The following TFB1M variants were observed in gnomAD, a reference collection of about 807,000 sequenced individuals.
The protein encoded by TFB1M is dimethyladenosine transferase 1, mitochondrial.
Under a neutral mutation model 31.1 loss-of-function variants are expected in TFB1M, and 27 were observed. The observed-to-expected ratio is 0.87, with a 90% CI of 0.64 to 1.20. TFB1M has a LOEUF of 1.20. TFB1M is among the 50% of genes most tolerant of loss of function. The pLI is 0.00. For missense variants in TFB1M, 394 were observed against 418.7 expected, an observed-to-expected ratio of 0.94 and a Z score of 0.51; for synonymous variants, 166 against 151.8, an observed-to-expected ratio of 1.09 and a Z score of -0.69.
rs146867541 is a variant in TFB1M at position 155,296,530 on chromosome 6, G to A, written c.546+423C>T. On this transcript the variant is annotated intron_variant, in intron 4 of 6. Transcript: ENST00000367166. ...CCTGACCTCGTGATCCGCCTGCCTC[G>A]GCCTCCCAAAGTGCTGGAATTACAG... Among the ~76,000 whole-genome samples the A allele has an allele frequency of 7.6e-4, 113 of 149,402 alleles. 1 individual carries two copies. In the East Asian group the frequency reaches 0.016, roughly 21 times the overall value.
chr6:155,292,187 C>G (rs140963098), intron 4 of TFB1M, among the ~76,000 whole-genome samples: 6 of 152,104 alleles, frequency 3.9e-5, no homozygotes, highest in Non-Finnish European at 7.4e-5. Context: ...GGGAGCCAGA[C>G]CTGGAGATCT....
At chr6:155,296,437 T>A (rs988991229) in intron 4 of TFB1M, among the ~76,000 whole-genome samples, 8 of 147,086 alleles carry the variant, frequency 5.4e-5, no homozygotes, top group Non-Finnish European at 9.0e-5. Context: ...TTTTTTTTTT[T>A]TTTTTTTTTT....
At chr6:155,303,537 T>A (rs1391141833) in intron 2 of TFB1M, 1 of 152,236 alleles carries the variant, frequency 6.6e-6, no homozygotes, top group East Asian at 1.9e-4. Flanking sequence ...TTGAGTTTTG[T>A]CTATGTTATG....
the TFB1M span, among the ~76,000 whole-genome samples, chr6:155,233,082 AC>A: frequency 6.6e-6 from 1 of 152,354 alleles, no homozygotes; most frequent in African/African-American, 2.4e-5. Context: ...AAAGGCGGGC[AC>A]GTAGCTCAGC....
chr6:155,288,703 C>T (rs1474059157), intron 4 of TFB1M, among the ~76,000 whole-genome samples: 1 of 152,176 alleles, frequency 6.6e-6, no homozygotes, highest in African/African-American at 2.4e-5. Context: ...GAGATGAAAA[C>T]ATGCGAATCA....
At position 155,305,474 on chromosome 6, in the gene TFB1M, T is replaced by TA. The variant is rs1448484728; in HGVS notation, c.285+5713dup. On this transcript the variant is annotated intron_variant, in intron 2 of 6. Coordinates refer to ENST00000367166, the MANE Select transcript of TFB1M (RefSeq NM_016020.4). ...TTATATATTTATATATATAAATATATATTAAATTATATATATAAATATATA... is the reference window on the plus strand; with the variant it reads ...TTATATATTTATATATATAAATATATAATTAAATTATATATATAAATATATA... Among the ~76,000 whole-genome samples, 7 of 31,084 alleles carry TA rather than the reference T, an allele frequency of 2.3e-4. 3 individuals are homozygous for TA. The highest frequency in any genetic ancestry group is 6.5e-4 in the African/African-American group (4 of 6,196). 20.4% of individuals were successfully genotyped at this position (31,084 alleles called of 152,430 possible).
At chr6:155,242,450 C>T in the TFB1M span, among the ~76,000 whole-genome samples, 19,030 of 152,262 alleles carry the variant, frequency 0.12, 1,529 homozygotes, top group Non-Finnish European at 0.19. Flanking sequence ...CTTCTCTGAG[C>T]GGTCTGGCGT....
chr6:155,240,805 C>T, the TFB1M span: 2 of 1,303,486 alleles, frequency 1.5e-6, no homozygotes, highest in South Asian at 2.8e-5. Flanking sequence ...CCCAGGACAC[C>T]TGCCACTCCC....
At chr6:155,311,080 T>G (rs1469556843) in intron 2 of TFB1M, 108 bp downstream of exon 2, 1 of 1,258,598 alleles carries the variant, frequency 7.9e-7, no homozygotes, top group Non-Finnish European at 1.2e-6. Context: ...GGATCTATAG[T>G]TGAGGAAAAA....
intron 3 of TFB1M, among the ~76,000 whole-genome samples, chr6:155,297,393 G>C (rs1260342299): frequency 4.6e-5 from 7 of 152,174 alleles, no homozygotes; most frequent in Non-Finnish European, 1.0e-4. Flanking sequence ...TGAGGAAAAA[G>C]AGAATTCATT....
At chr6:155,311,082 G>C (rs1777995456) in intron 2 of TFB1M, 106 bp downstream of exon 2, 3 of 1,276,002 alleles carry the variant, frequency 2.4e-6, no homozygotes, top group Non-Finnish European at 3.4e-6. Context: ...ATCTATAGTT[G>C]AGGAAAAACC....
At chr6:155,312,340 C>G (rs1173170338) in intron 1 of TFB1M, among the ~76,000 whole-genome samples, 1 of 152,204 alleles carries the variant, frequency 6.6e-6, no homozygotes, top group Non-Finnish European at 1.5e-5. Context: ...TACACACATT[C>G]TCACCTAATC....
rs923166075 is a variant in TFB1M at position 155,281,543 on chromosome 6, G to A, written c.666+3615C>T. ...TCGAGACCAGCTTGGCCAACATGGT[G>A]AAACCTCGTCTCTACTAAAAATACA... On this transcript the variant is annotated intron_variant, in intron 5 of 6. Coordinates refer to ENST00000367166, the MANE Select transcript of TFB1M (RefSeq NM_016020.4). Among the ~76,000 whole-genome samples the A allele has an allele frequency of 8.5e-5, 13 of 152,112 alleles. No individual in the cohort carries two copies. In the East Asian group the frequency reaches 1.4e-3, roughly 16 times the overall value.
At chr6:155,237,064 C>T in the TFB1M span, among the ~76,000 whole-genome samples, 5 of 152,226 alleles carry the variant, frequency 3.3e-5, no homozygotes, top group Non-Finnish European at 5.9e-5. Context: ...AAGTCCCTTC[C>T]ACCTATGAGC....
At chr6:155,242,309 CATTT>C in the TFB1M span, among the ~76,000 whole-genome samples, 1 of 152,252 alleles carries the variant, frequency 6.6e-6, no homozygotes, top group Non-Finnish European at 1.5e-5. Context: ...ACCGTTTCTT[CATTT>C]CTTTTTTGTT....
At chr6:155,310,842 C>T (rs185800756) in intron 2 of TFB1M, 314 of 261,306 alleles carry the variant, frequency 1.2e-3, no homozygotes, top group Middle Eastern at 7.3e-3. Flanking sequence ...TCATTACTGG[C>T]CATTATTTAT....
intron 4 of TFB1M, among the ~76,000 whole-genome samples, chr6:155,291,518 C>T (rs1041321997): frequency 6.6e-6 from 1 of 152,182 alleles, no homozygotes; most frequent in African/African-American, 2.4e-5. Context: ...TGCAACGGTC[C>T]TACGTTTTTA....
Position 155,266,920 on chromosome 6 carries a change from T to C in TFB1M, c.667-6520A>G, listed in dbSNP as rs565459247. On this transcript the variant is annotated intron_variant, in intron 5 of 6. Coordinates refer to ENST00000367166, the MANE Select transcript of TFB1M (RefSeq NM_016020.4). Reference sequence around the variant, plus strand: ...TGGAAAGTGAGACATTAAAGCATAGTCTGGGGTGGTGGTGGGAGAGGGGAA... The same window carrying C: ...TGGAAAGTGAGACATTAAAGCATAGCCTGGGGTGGTGGTGGGAGAGGGGAA... Among the ~76,000 whole-genome samples the C allele has an allele frequency of 2.1e-5, 3 of 144,530 alleles. No homozygotes were observed. The South Asian group carries it at 6.7e-4, about 32-fold the overall frequency. 94.8% of individuals were successfully genotyped at this position (144,530 alleles called of 152,430 possible).
chr6:155,257,585 G>GTA lies in TFB1M; in HGVS notation c.*250_*251insTA, dbSNP rs1784147594. 1 of 460,400 alleles carries GTA rather than the reference G, an allele frequency of 2.2e-6. No homozygotes were observed. The highest frequency in any genetic ancestry group is 4.1e-5 in the East Asian group (1 of 24,352). The allele number at this position is 460,400 out of a possible 1,614,324, so 28.5% of individuals were successfully genotyped here. ...GCAGATACTTCATTTTTGTAAGATA[G>GTA]ATTGTAATAGATGCTGTTTATACTA... On this transcript the variant is annotated 3_prime_UTR_variant, in exon 7 of 7. Coordinates refer to ENST00000367166, the MANE Select transcript of TFB1M (RefSeq NM_016020.4).
Sources: gnomAD v4.1 joint callset for allele counts (sites outside exome capture counted in the v4.1 genomes callset) on GRCh38, gnomAD v4.1.1 for gene constraint, MANE v1.5 for transcripts, NCBI Gene and HGNC (gene_info 2026-07-23, HGNC 2026-07-21) for gene names.